The following PRIMPOL variants were observed in gnomAD, a reference collection of about 807,000 sequenced individuals.
PRIMPOL encodes the protein DNA-directed primase/polymerase protein.
A neutral mutation model predicts 63.6 loss-of-function variants in PRIMPOL; 54 were observed. That is an observed-to-expected ratio of 0.85 (90% CI 0.68 to 1.07). The LOEUF is 1.07. Ranked by LOEUF, PRIMPOL falls within the 50% of genes least tolerant of loss-of-function variation. The pLI is 0.00. For missense variants in PRIMPOL, 610 were observed against 648.3 expected, an observed-to-expected ratio of 0.94 and a Z score of 0.64; for synonymous variants, 197 against 220.2, an observed-to-expected ratio of 0.89 and a Z score of 0.93.
intron 6 of PRIMPOL, among the ~76,000 whole-genome samples, chr4:184,670,297 G>A (rs913556540): frequency 6.6e-6 from 1 of 152,258 alleles, no homozygotes; most frequent in African/African-American, 2.4e-5. Flanking sequence ...TTCCCTTATT[G>A]TCTGGGGTCA....
chr4:184,681,550 A>G (rs1002660144), intron 8 of PRIMPOL, among the ~76,000 whole-genome samples: 1 of 151,310 alleles, frequency 6.6e-6, no homozygotes, highest in Non-Finnish European at 1.5e-5. Context: ...TATTATTTTT[A>G]TTGTTTTTTT....
chr4:184,683,296 G>T (rs112292545), intron 9 of PRIMPOL, among the ~76,000 whole-genome samples: 53 of 152,022 alleles, frequency 3.5e-4, no homozygotes, highest in African/African-American at 1.2e-3. Flanking sequence ...GGTGGCGGGT[G>T]CCTGTAATCC....
At position 184,672,302 on chromosome 4, in the gene PRIMPOL, C is replaced by A; in HGVS notation, c.686C>A (p.Ser229Tyr). 1 of 1,614,044 alleles carries A rather than the reference C, an allele frequency of 6.2e-7. No individual in the cohort carries two copies. The highest frequency in any genetic ancestry group is 8.5e-7 in the Non-Finnish European group (1 of 1,180,006). ...GAAGCACCTGCAAGACAAGGATTTTCTTTCAATAAAATGTTCACAGAAAAG... is the reference window on the plus strand; with the variant it reads ...GAAGCACCTGCAAGACAAGGATTTTATTTCAATAAAATGTTCACAGAAAAG... Reference protein sequence around the residue: ...FSEAPARQGFSFNKMFTEKAT... With the variant: ...FSEAPARQGFYFNKMFTEKAT... Residue 229 changes from serine to tyrosine, a missense_variant, in exon 7 of 14, where the codon TCT (serine) becomes TAT (tyrosine). By Grantham distance (144) the Ser-to-Tyr change is moderately radical (BLOSUM62 -2). Around this residue, in one of 3 missense-constraint regions of PRIMPOL, gnomAD observed 444 missense variants for 456.4 expected, o/e 0.97. Coordinates refer to ENST00000314970, the MANE Select transcript of PRIMPOL (RefSeq NM_152683.4).
chr4:184,660,540 T>C (rs949939031), intron 4 of PRIMPOL, among the ~76,000 whole-genome samples: 1 of 152,246 alleles, frequency 6.6e-6, no homozygotes, highest in Admixed American at 6.5e-5. Flanking sequence ...ATTGTTAGCA[T>C]GCCCTATATT....
At chr4:184,687,055 A>T (rs79643430) in intron 11 of PRIMPOL, among the ~76,000 whole-genome samples, 2,087 of 152,246 alleles carry the variant, frequency 0.014, 44 homozygotes, top group African/African-American at 0.046. Context: ...TCATACATAC[A>T]AAAGTATAGA....
chr4:184,687,893 G>A lies in PRIMPOL; in HGVS notation c.1295+2209G>A, dbSNP rs60181256. ...GGCTTCCCAAAGTGCTGGGATTACA[G>A]GCATGAGCCACCGTGCCCGGCCATA... On this transcript the variant is annotated intron_variant, in intron 11 of 13. Transcript: ENST00000314970. Among the ~76,000 whole-genome samples, 1,107 of 152,374 alleles carry A rather than the reference G, an allele frequency of 7.3e-3. 15 individuals carry two copies. The highest frequency in any genetic ancestry group is 0.025 in the African/African-American group (1,050 of 41,588).
intron 5 of PRIMPOL, among the ~76,000 whole-genome samples, chr4:184,664,324 CAA>C (rs1749216457): frequency 6.6e-6 from 1 of 152,274 alleles, no homozygotes; most frequent in Admixed American, 6.5e-5. Flanking sequence ...AGTGGTAAGT[CAA>C]AGAGACATAA....
chr4:184,692,471 CAAAAA>C (rs60321808), intron 13 of PRIMPOL, among the ~76,000 whole-genome samples: 19 of 73,828 alleles, frequency 2.6e-4, no homozygotes, highest in African/African-American at 6.2e-4. Flanking sequence ...GACTCTGCCT[CAAAAA>C]AAAAAAAAAA....
At chr4:184,655,101 C>T (rs941337241) in intron 2 of PRIMPOL, among the ~76,000 whole-genome samples, 7 of 151,910 alleles carry the variant, frequency 4.6e-5, no homozygotes, top group Non-Finnish European at 7.4e-5. Context: ...TCTCTGCCTC[C>T]TGGGTTCAAG....
Position 184,661,718 on chromosome 4 carries a change from A to G in PRIMPOL, c.279-56A>G, listed in dbSNP as rs184973732. The stretch of plus-strand genomic sequence containing the variant: ...TGACTCAGTCTCAGTCAGTCAATCA[A>G]TCAATCAATAAAGGTATAATATATC... On this transcript the variant is annotated intron_variant, in intron 4 of 13. Coordinates refer to ENST00000314970, the MANE Select transcript of PRIMPOL (RefSeq NM_152683.4). 1,058 of 1,206,704 alleles carry G rather than the reference A, an allele frequency of 8.8e-4. 1 individual carries two copies. The highest frequency in any genetic ancestry group is 1.3e-3 in the Middle Eastern group (5 of 3,822). 74.7% of individuals were successfully genotyped at this position (1,206,704 alleles called of 1,614,324 possible).
At chr4:184,657,934 T>C (rs1579306306) in intron 3 of PRIMPOL, among the ~76,000 whole-genome samples, 1 of 151,842 alleles carries the variant, frequency 6.6e-6, no homozygotes, top group African/African-American at 2.4e-5. Flanking sequence ...CGGAGTTTGC[T>C]GTGAGCCGAG....
intron 11 of PRIMPOL, among the ~76,000 whole-genome samples, chr4:184,687,843 C>T (rs962006842): frequency 7.2e-5 from 11 of 151,900 alleles, no homozygotes; most frequent in Non-Finnish European, 1.2e-4. Context: ...CTCGAACTCC[C>T]GACCTCAGGT....
intron 9 of PRIMPOL, among the ~76,000 whole-genome samples, chr4:184,683,608 C>G (rs1029117832): frequency 1.3e-5 from 2 of 152,110 alleles, no homozygotes; most frequent in African/African-American, 4.8e-5. Flanking sequence ...AGAGCGTTTC[C>G]TATATTTCCT....
intron 13 of PRIMPOL, among the ~76,000 whole-genome samples, chr4:184,693,831 AAG>A (rs1759716208): frequency 6.6e-6 from 1 of 152,096 alleles, no homozygotes; most frequent in Non-Finnish European, 1.5e-5. Context: ...CGGAAAGAAT[AAG>A]ACATTCTGTA....
chr4:184,658,022 A>ATAAG (rs1747009531), intron 3 of PRIMPOL, among the ~76,000 whole-genome samples: 1 of 149,504 alleles, frequency 6.7e-6, no homozygotes, highest in Non-Finnish European at 1.5e-5. Context: ...AAATAAATAA[A>ATAAG]TAAATAAATA....
intron 11 of PRIMPOL, among the ~76,000 whole-genome samples, chr4:184,689,436 GTTAATGGTGCTTTTTTTTTT>G (rs1309755687): frequency 1.5e-5 from 2 of 135,656 alleles, no homozygotes; most frequent in Non-Finnish European, 3.1e-5. Flanking sequence ...CTCCATTGAT[GTTAATGGTGCTTTTTTTTTT>G]TTTTTTTTTT....
At chr4:184,656,740 A>ATT (rs1424038707) in intron 2 of PRIMPOL, among the ~76,000 whole-genome samples, 1 of 152,232 alleles carries the variant, frequency 6.6e-6, no homozygotes, top group African/African-American at 2.4e-5. Flanking sequence ...AAGCACATAT[A>ATT]TTTACATGAG....
rs374102584 is a variant in PRIMPOL at position 184,662,674 on chromosome 4, T to C, written c.408+771T>C. Among the ~76,000 whole-genome samples, 21 of 152,314 alleles carry C rather than the reference T, an allele frequency of 1.4e-4. No homozygotes were observed. The South Asian group carries it at 2.3e-3, about 17-fold the overall frequency. On this transcript the variant is annotated intron_variant, in intron 5 of 13. Transcript: ENST00000314970. ...ACTTACTGACTAGCTATTTTTCTTT[T>C]AAATGTTAACTGAATAATAATGTTA...
intron 1 of PRIMPOL, among the ~76,000 whole-genome samples, chr4:184,651,560 C>G (rs1579239899): frequency 6.6e-6 from 1 of 152,302 alleles, no homozygotes; most frequent in East Asian, 1.9e-4. Context: ...GATGCCCAAA[C>G]CCCTTCCTGT....
Sources: gnomAD v4.1 joint callset for allele counts (sites outside exome capture counted in the v4.1 genomes callset) on GRCh38, gnomAD v4.1.1 for gene constraint, gnomAD v4.1.1 regional missense constraint, MANE v1.5 for transcripts, NCBI Gene and HGNC (gene_info 2026-07-23, HGNC 2026-07-21) for gene names.